Variants in KNL1 observed in about 807,000 individuals in gnomAD.
KNL1 encodes the protein outer kinetochore KNL1 complex subunit KNL1.
A neutral mutation model predicts 201.3 loss-of-function variants in KNL1; 66 were observed. The observed-to-expected ratio is 0.33, with a 90% CI of 0.27 to 0.40. The LOEUF is 0.40. KNL1 is among the 10% of genes least tolerant of loss of function. The pLI, the probability that KNL1 is intolerant of heterozygous loss-of-function variation, is 1.00. For missense variants in KNL1, 2,815 were observed against 2,690.5 expected, an observed-to-expected ratio of 1.05 and a Z score of -1.02; for synonymous variants, 895 against 899.2, an observed-to-expected ratio of 1.00 and a Z score of 0.08.
chr15:40,637,277 A>G (rs928570790), intron 13 of KNL1, among the ~76,000 whole-genome samples: 1 of 149,058 alleles, frequency 6.7e-6, no homozygotes, highest in Non-Finnish European at 1.5e-5. Context: ...AGAGTTTACC[A>G]CAGTCCAGAT....
intron 13 of KNL1, among the ~76,000 whole-genome samples, chr15:40,636,951 G>A (rs1428733643): frequency 1.3e-5 from 2 of 151,874 alleles, no homozygotes; most frequent in Non-Finnish European, 2.9e-5. Context: ...CCCTAAAAAG[G>A]TGAAGACTCT....
At chr15:40,638,820 T>C (rs1188680140) in intron 13 of KNL1, among the ~76,000 whole-genome samples, 3 of 150,510 alleles carry the variant, frequency 2.0e-5, no homozygotes, top group Non-Finnish European at 4.4e-5. Flanking sequence ...TTCTTTCTTT[T>C]TTTTTTTTGA....
chr15:40,662,160 T>G lies in KNL1; in HGVS notation c.6923T>G (p.Leu2308Arg). The change falls in exon 26 of 26, where the codon CTG (leucine) becomes CGG (arginine). Residue 2308 changes from leucine to arginine, a missense_variant. Physicochemically the swap from Leu to Arg is moderately radical, Grantham distance 102. Around this residue, in one of 3 missense-constraint regions of KNL1, gnomAD observed 334 missense variants for 362.6 expected, o/e 0.92. Coordinates refer to ENST00000399668, the MANE Select transcript of KNL1 (RefSeq NM_144508.5). ...KNVVKQIYQD[L>R]FQDCHFYH ...GTAGTCAAGCAAATTTACCAAGATCTGTTTCAGGACTGCCATTTCTACCAC... is the reference window on the plus strand; with the variant it reads ...GTAGTCAAGCAAATTTACCAAGATCGGTTTCAGGACTGCCATTTCTACCAC... 2 of 1,610,152 alleles carry G rather than the reference T, an allele frequency of 1.2e-6. No homozygotes were observed. Among genetic ancestry groups the G allele is most frequent in the Non-Finnish European group, 1.7e-6 (2 of 1,176,400 alleles).
intron 8 of KNL1, 39 bp from the exon 9 acceptor site, chr15:40,618,920 T>C: frequency 7.2e-7 from 1 of 1,387,618 alleles, no homozygotes; most frequent in Non-Finnish European, 1.0e-6. Context: ...GGCTCAGTGT[T>C]ATATTTTCTG....
intron 24 of KNL1, among the ~76,000 whole-genome samples, chr15:40,658,947 A>G (rs8023919): frequency 8.1e-6 from 1 of 123,556 alleles, no homozygotes; most frequent in South Asian, 2.8e-4. Flanking sequence ...AAAAAAGAAA[A>G]AGAAAAGAAA....
intron 24 of KNL1, 101 bp downstream of exon 24, chr15:40,657,574 G>C: frequency 1.5e-6 from 1 of 649,496 alleles, no homozygotes; most frequent in East Asian, 2.7e-5. Context: ...GGTGTAAGCG[G>C]GTGTTATTCT....
intron 2 of KNL1, among the ~76,000 whole-genome samples, chr15:40,604,517 C>G (rs897198020): frequency 6.6e-6 from 1 of 152,116 alleles, no homozygotes; most frequent in Non-Finnish European, 1.5e-5. Flanking sequence ...TGGCTTTGGC[C>G]TACACATATT....
chr15:40,649,802 G>A (rs187584493), intron 17 of KNL1, among the ~76,000 whole-genome samples: 5 of 152,208 alleles, frequency 3.3e-5, no homozygotes, highest in African/African-American at 1.2e-4. Flanking sequence ...TACATACTAC[G>A]TTCTCTTTCT....
At chr15:40,605,445 C>T (rs563172687) in intron 3 of KNL1, among the ~76,000 whole-genome samples, 13 of 152,216 alleles carry the variant, frequency 8.5e-5, no homozygotes, top group African/African-American at 2.6e-4. Flanking sequence ...GACAGAAGAC[C>T]TACCCAAACT....
At chr15:40,645,432 TTAAC>T (rs1370193326) in intron 15 of KNL1, among the ~76,000 whole-genome samples, 2 of 152,226 alleles carry the variant, frequency 1.3e-5, no homozygotes, top group Admixed American at 6.5e-5. Context: ...AAAAGTTTCA[TTAAC>T]TAAGAGCCTG....
chr15:40,622,019 G>A lies in KNL1; in HGVS notation c.1755G>A (p.Gln585=). ...TESHTSNLGS[Q]VPLAAYNLAP... is the part of the protein sequence containing the mutation. ...GTCACACAAGTAACTTAGGAAGTCA[G>A]GTTCCTCTTGCAGCTTATAATCTAG... Residue 585 remains glutamine, a synonymous_variant, in exon 10 of 26, where the codon CAG becomes CAA. Transcript: ENST00000399668. 1.2e-6 allele frequency: 2 copies of A among 1,614,074 alleles called. No homozygotes were observed. Among genetic ancestry groups the A allele is most frequent in the Non-Finnish European group, 1.7e-6 (2 of 1,179,972 alleles).
chr15:40,623,324 A>G lies in KNL1; in HGVS notation c.3060A>G (p.Glu1020=), dbSNP rs925591510. Residue 1020 remains glutamate (E), a synonymous_variant, in exon 10 of 26, where the codon GAA becomes GAG. Coordinates refer to ENST00000399668, the MANE Select transcript of KNL1 (RefSeq NM_144508.5). ...ACAGCCAGCTAACCCCTCTGGAGGA[A>G]TGGTCTAATAATAGGGGCCCTGTAG... ...ANDSQLTPLE[E]WSNNRGPVEV... is the part of the protein sequence containing the mutation. The G allele has an allele frequency of 4.3e-6, 7 of 1,613,826 alleles. No homozygotes were observed. The highest frequency in any genetic ancestry group is 2.2e-5 in the South Asian group (2 of 91,060).
chr15:40,595,470 T>TCC (rs1488856124), intron 1 of KNL1, among the ~76,000 whole-genome samples: 6 of 152,138 alleles, frequency 3.9e-5, no homozygotes, highest in Non-Finnish European at 8.8e-5. Flanking sequence ...TAATTAAAGG[T>TCC]TAGGGTCAAA....
intron 14 of KNL1, among the ~76,000 whole-genome samples, chr15:40,644,259 G>T (rs1343737207): frequency 6.6e-6 from 1 of 152,202 alleles, no homozygotes; most frequent in Non-Finnish European, 1.5e-5. Flanking sequence ...ATGGTGACTG[G>T]ATGTACACCT....
chr15:40,626,520 C>T (rs977811616), intron 10 of KNL1, among the ~76,000 whole-genome samples: 1 of 152,002 alleles, frequency 6.6e-6, no homozygotes, highest in Non-Finnish European at 1.5e-5. Context: ...GTCTTAGGCA[C>T]TGTTTTATGT....
At position 40,602,637 on chromosome 15, in the gene KNL1, C is replaced by A. The variant is rs12385982; in HGVS notation, c.-17-278C>A. On this transcript the variant is annotated intron_variant, in intron 1 of 25. Transcript: ENST00000399668. Reference sequence around the variant, plus strand: ...AAATAGCTGGGGTTACAGGCATGCGCCACCACGCCCAGCTAATTTTGTATT... The same window carrying A: ...AAATAGCTGGGGTTACAGGCATGCGACACCACGCCCAGCTAATTTTGTATT... Among the ~76,000 whole-genome samples, 57,546 of 151,400 alleles carry A rather than the reference C, an allele frequency of 0.38. 11,458 individuals carry two copies. The highest frequency in any genetic ancestry group is 0.44 in the Non-Finnish European group (29,911 of 67,766).
chr15:40,662,460 T>G lies in KNL1; in HGVS notation c.*272T>G. ...TAGGAAAAATGTCTCCTAACTAAAC[T>G]AGTGCTTTCTGCTTTAGTACAAGCC... On this transcript the variant is annotated 3_prime_UTR_variant, in exon 26 of 26. Transcript: ENST00000399668. The G allele has an allele frequency of 3.2e-6, 1 of 311,624 alleles. No individual in the cohort carries two copies. The highest frequency in any genetic ancestry group is 5.9e-6 in the Non-Finnish European group (1 of 168,268). 19.3% of individuals were successfully genotyped at this position (311,624 alleles called of 1,614,324 possible). A position where few individuals can be genotyped will look rare whatever the true frequency, so the allele number is the denominator to read the frequency against.
At chr15:40,637,951 G>A (rs1893106468) in intron 13 of KNL1, among the ~76,000 whole-genome samples, 1 of 152,144 alleles carries the variant, frequency 6.6e-6, no homozygotes, top group East Asian at 1.9e-4. Context: ...GCCAAGGCAG[G>A]CAGATTGCCT....
intron 14 of KNL1, 68 bp downstream of exon 14, chr15:40,641,095 A>G: frequency 9.2e-7 from 1 of 1,081,684 alleles, no homozygotes; most frequent in Non-Finnish European, 1.4e-6. Context: ...TTGTGTGGTA[A>G]GGTTTTGATT....
Sources: gnomAD v4.1 joint callset for allele counts (sites outside exome capture counted in the v4.1 genomes callset) on GRCh38, gnomAD v4.1.1 for gene constraint, gnomAD v4.1.1 regional missense constraint, MANE v1.5 for transcripts, NCBI Gene and HGNC (gene_info 2026-07-23, HGNC 2026-07-21) for gene names.